Variants in CSGALNACT1 observed in about 807,000 individuals in gnomAD.
CSGALNACT1 encodes beta4GalNAcT-1.
In CSGALNACT1, 52 loss-of-function variants were observed where a neutral mutation model predicts 51.0. The ratio of observed to expected loss-of-function variants is 1.02; its 90% confidence interval spans 0.82 to 1.29. CSGALNACT1 has a LOEUF of 1.29. CSGALNACT1 is among the 50% of genes most tolerant of loss of function. The probability of loss-of-function intolerance (pLI) is 0.00; values close to 1 mark genes in which losing one functional copy is unlikely to be tolerated. For synonymous variants in CSGALNACT1, 341 were observed against 254.4 expected (o/e 1.34, Z -3.24); for missense variants, 935 against 679.2 (o/e 1.38, Z -4.19).
chr8:19,497,699 A>T (rs1389232658), intron 4 of CSGALNACT1, among the ~76,000 whole-genome samples: 1 of 152,230 alleles, frequency 6.6e-6, no homozygotes. Context: ...ATTCTGTGAA[A>T]GGAAAATAAA....
intron 1 of CSGALNACT1, among the ~76,000 whole-genome samples, chr8:19,731,241 C>T (rs1563161897): frequency 6.6e-6 from 1 of 152,122 alleles, no homozygotes; most frequent in Non-Finnish European, 1.5e-5. Flanking sequence ...GCCGCAGTGG[C>T]TCATGCCTGT....
intron 3 of CSGALNACT1, among the ~76,000 whole-genome samples, chr8:19,516,897 G>A (rs2079634575): frequency 6.6e-6 from 1 of 152,314 alleles, no homozygotes; most frequent in African/African-American, 2.4e-5. Context: ...TGCTGCCTTT[G>A]CTCCTGGAGT....
intron 3 of CSGALNACT1, among the ~76,000 whole-genome samples, chr8:19,519,687 T>A (rs576886026): frequency 6.6e-6 from 1 of 152,262 alleles, no homozygotes; most frequent in Admixed American, 6.5e-5. Context: ...CTCCCCTGGG[T>A]GAGACACTCT....
intron 6 of CSGALNACT1, among the ~76,000 whole-genome samples, chr8:19,431,109 A>G (rs931509081): frequency 3.3e-5 from 5 of 152,106 alleles, no homozygotes; most frequent in Non-Finnish European, 5.9e-5. Context: ...AGAAGATTAT[A>G]TCATCTGTGA....
At chr8:19,591,626 TA>T (rs1168137660) in intron 2 of CSGALNACT1, among the ~76,000 whole-genome samples, 1 of 152,136 alleles carries the variant, frequency 6.6e-6, no homozygotes, top group Admixed American at 6.6e-5. Context: ...CTGATAGGGA[TA>T]AAAAATAAGC....
intron 3 of CSGALNACT1, among the ~76,000 whole-genome samples, chr8:19,509,652 G>C (rs1439768426): frequency 6.7e-6 from 1 of 149,426 alleles, no homozygotes; most frequent in Non-Finnish European, 1.5e-5. Flanking sequence ...AAAAAAATGG[G>C]TGTCACCACC....
At chr8:19,754,494 A>T (rs1463096762) in intron 1 of CSGALNACT1, among the ~76,000 whole-genome samples, 1 of 152,252 alleles carries the variant, frequency 6.6e-6, no homozygotes, top group African/African-American at 2.4e-5. Flanking sequence ...TGAAATACCT[A>T]GATGAAAACC....
intron 4 of CSGALNACT1, 150 bp from the exon 4 acceptor site, chr8:19,458,792 T>A (rs144018192): frequency 2.9e-5 from 22 of 770,252 alleles, no homozygotes; most frequent in Non-Finnish European, 4.1e-5. Flanking sequence ...ATGCTCCCAA[T>A]TAAAAAATTC....
At chr8:19,568,292 A>G (rs2042295671) in intron 3 of CSGALNACT1, among the ~76,000 whole-genome samples, 1 of 152,218 alleles carries the variant, frequency 6.6e-6, no homozygotes, top group African/African-American at 2.4e-5. Context: ...ATGTTACTGT[A>G]TTGAATACAA....
intron 3 of CSGALNACT1, among the ~76,000 whole-genome samples, chr8:19,540,378 C>T (rs187871746): frequency 6.6e-6 from 1 of 152,320 alleles, no homozygotes; most frequent in Admixed American, 6.5e-5. Context: ...AGGTCTTCTA[C>T]ACCCCTCCTC....
intron 3 of CSGALNACT1, among the ~76,000 whole-genome samples, chr8:19,513,455 T>TAC (rs1389484632): frequency 7.0e-6 from 1 of 141,898 alleles, no homozygotes; most frequent in African/African-American, 2.7e-5. Context: ...TATATATATA[T>TAC]ATATATATTT....
At chr8:19,436,817 G>A (rs1434266941) in intron 6 of CSGALNACT1, among the ~76,000 whole-genome samples, 1 of 152,178 alleles carries the variant, frequency 6.6e-6, no homozygotes, top group African/African-American at 2.4e-5. Context: ...AGGCTAAGTT[G>A]GGAAGACCAT....
At position 19,648,389 on chromosome 8, in the gene CSGALNACT1, C is replaced by A. The variant is rs1415090937; in HGVS notation, c.-544+34084G>T. ...TATCATTCTGTGAAGAGCAATTCAT[C>A]AATATATAAAATTAGAGCCTACACT... On this transcript the variant is annotated intron_variant, in intron 1 of 9. Coordinates refer to the CSGALNACT1 transcript ENST00000332246. Among the ~76,000 whole-genome samples, 4 of 152,320 alleles carry A rather than the reference C, an allele frequency of 2.6e-5. No individual in the cohort carries two copies. The South Asian group carries it at 8.3e-4, about 32-fold the overall frequency.
chr8:19,452,619 T>A (rs576402758), intron 5 of CSGALNACT1, among the ~76,000 whole-genome samples: 1 of 152,108 alleles, frequency 6.6e-6, no homozygotes, highest in African/African-American at 2.4e-5. Context: ...CTCTGACTGG[T>A]AGGCGTGGAA....
chr8:19,619,637 G>C (rs1264538926), intron 1 of CSGALNACT1, among the ~76,000 whole-genome samples: 4 of 152,084 alleles, frequency 2.6e-5, no homozygotes, highest in African/African-American at 7.2e-5. Flanking sequence ...TGTCACATAG[G>C]GTAAGGAAGA....
At chr8:19,564,531 A>G (rs922585632) in intron 3 of CSGALNACT1, among the ~76,000 whole-genome samples, 47 of 152,128 alleles carry the variant, frequency 3.1e-4, no homozygotes, top group South Asian at 4.2e-4. Flanking sequence ...CTCAGCCACA[A>G]TGTTCCACAT....
chr8:19,417,557 C>T (rs776361258), intron 8 of CSGALNACT1, among the ~76,000 whole-genome samples: 15 of 152,300 alleles, frequency 9.8e-5, no homozygotes, highest in Non-Finnish European at 1.6e-4. Context: ...TCCCATTGTA[C>T]GGAAGCATCA....
At chr8:19,586,833 G>A (rs1223901002) in intron 3 of CSGALNACT1, among the ~76,000 whole-genome samples, 2 of 152,160 alleles carry the variant, frequency 1.3e-5, no homozygotes, top group Non-Finnish European at 2.9e-5. Context: ...TCCCAGAATC[G>A]TCCTAGGCTC....
chr8:19,721,081 C>T (rs938911048), intron 1 of CSGALNACT1, among the ~76,000 whole-genome samples: 1 of 152,206 alleles, frequency 6.6e-6, no homozygotes. Flanking sequence ...TATAGCCAGC[C>T]CTCTCCTTTT....
Sources: gnomAD v4.1 joint callset for allele counts (sites outside exome capture counted in the v4.1 genomes callset) on GRCh38, gnomAD v4.1.1 for gene constraint, MANE v1.5 for transcripts, NCBI Gene and HGNC (gene_info 2026-07-23, HGNC 2026-07-21) for gene names.